AGO3: variants seen among roughly 807,000 people sequenced by gnomAD.
AGO3 encodes the protein argonaute RISC catalytic component 3, also known as protein argonaute-3.
A neutral mutation model predicts 105.5 loss-of-function variants in AGO3; 16 were observed. The observed-to-expected ratio is 0.15, with a 90% confidence interval of 0.10 to 0.23. The LOEUF is 0.23. AGO3 is among the 10% of genes least tolerant of loss of function. AGO3 has a pLI of 1.00. For synonymous variants in AGO3, 340 were observed against 367.3 expected (o/e 0.93, Z 0.85); for missense variants, 534 against 1,088.0 (o/e 0.49, Z 7.16).
chr1:36,050,386 T>C (rs1285621802), intron 17 of AGO3, among the ~76,000 whole-genome samples: 2 of 152,086 alleles, frequency 1.3e-5, no homozygotes, highest in Non-Finnish European at 2.9e-5. Flanking sequence ...CTCAGGAGGC[T>C]GAGGCAAGAG....
intron 5 of AGO3, among the ~76,000 whole-genome samples, chr1:35,987,494 A>G (rs948510684): frequency 6.6e-6 from 1 of 151,648 alleles, no homozygotes; most frequent in East Asian, 1.9e-4. Context: ...CTCTGTTTCA[A>G]AAAAAAAGCA....
chr1:35,933,533 T>C (rs539365330), intron 1 of AGO3, among the ~76,000 whole-genome samples: 1 of 150,022 alleles, frequency 6.7e-6, no homozygotes, highest in Admixed American at 6.8e-5. Flanking sequence ...TCCTAGCTAC[T>C]TGGGAGGCTG....
intron 2 of AGO3, among the ~76,000 whole-genome samples, chr1:35,961,904 A>G (rs753810329): frequency 2.4e-4 from 36 of 152,082 alleles, no homozygotes; most frequent in Non-Finnish European, 4.7e-4. Context: ...GAGATTCTCT[A>G]ATTTGTTCTT....
At chr1:36,004,550 T>C in intron 6 of AGO3, 75 bp downstream of exon 6, 1 of 1,308,250 alleles carries the variant, frequency 7.6e-7, no homozygotes, top group South Asian at 2.0e-5. Context: ...AAATGTTTTC[T>C]TATATAATTA....
chr1:36,038,779 C>A (rs1225509734), intron 14 of AGO3, among the ~76,000 whole-genome samples: 1 of 152,144 alleles, frequency 6.6e-6, no homozygotes, highest in Admixed American at 6.6e-5. Context: ...TAGCTAGTTT[C>A]AAAACCAAGA....
At chr1:35,988,973 G>A (rs891646318) in intron 5 of AGO3, among the ~76,000 whole-genome samples, 4 of 152,256 alleles carry the variant, frequency 2.6e-5, no homozygotes, top group African/African-American at 7.2e-5. Context: ...TTGCTTTTGC[G>A]TGATTTTGAT....
chr1:35,990,602 G>C (rs1647545446), intron 5 of AGO3, among the ~76,000 whole-genome samples: 1 of 152,148 alleles, frequency 6.6e-6, no homozygotes, highest in Admixed American at 6.5e-5. Context: ...GTAAAAAGTA[G>C]GCAGAATATG....
chr1:35,979,769 TA>T (rs1316035615), intron 5 of AGO3, among the ~76,000 whole-genome samples: 1 of 152,206 alleles, frequency 6.6e-6, no homozygotes, highest in Non-Finnish European at 1.5e-5. Context: ...CATTATCTAA[TA>T]AAAAGATTGC....
chr1:35,944,959 C>T (rs1284914934), intron 1 of AGO3, among the ~76,000 whole-genome samples: 1 of 152,060 alleles, frequency 6.6e-6, no homozygotes, highest in Non-Finnish European at 1.5e-5. Flanking sequence ...TGCACCACCA[C>T]ACTCAGCTAA....
intron 2 of AGO3, among the ~76,000 whole-genome samples, chr1:35,952,442 C>T (rs1199662766): frequency 3.3e-5 from 5 of 151,966 alleles, no homozygotes; most frequent in African/African-American, 4.8e-5. Flanking sequence ...TGCATCCGGC[C>T]GGATATTTCT....
At chr1:35,999,851 A>T (rs1353060592) in intron 5 of AGO3, among the ~76,000 whole-genome samples, 1 of 151,604 alleles carries the variant, frequency 6.6e-6, no homozygotes. Context: ...TTATTCTCCT[A>T]ATTTGCTTTG....
At chr1:36,022,130 A>G (rs1166110430) in intron 11 of AGO3, among the ~76,000 whole-genome samples, 2 of 134,886 alleles carry the variant, frequency 1.5e-5, no homozygotes, top group Non-Finnish European at 3.1e-5. Flanking sequence ...CAGTGGCGTG[A>G]CCATGGCTCA....
intron 5 of AGO3, among the ~76,000 whole-genome samples, chr1:35,996,517 TC>T (rs1351820921): frequency 2.6e-5 from 4 of 152,088 alleles, no homozygotes; most frequent in African/African-American, 9.7e-5. Flanking sequence ...ACACCTGTAA[TC>T]CCAGCACTTT....
At chr1:36,040,029 T>A (rs1264113116) in intron 15 of AGO3, 45 bp downstream of exon 15, 1 of 1,543,164 alleles carries the variant, frequency 6.5e-7, no homozygotes, top group Non-Finnish European at 8.8e-7. Context: ...AATCAGATAT[T>A]GTGTTTATAA....
intron 1 of AGO3, among the ~76,000 whole-genome samples, chr1:35,939,550 G>A (rs1344022209): frequency 6.6e-6 from 1 of 152,120 alleles, no homozygotes; most frequent in Non-Finnish European, 1.5e-5. Flanking sequence ...CAGGAGGCCT[G>A]GGACATATGG....
upstream of AGO3, chr1:35,930,973 G>A (rs147513408): frequency 0.034 from 11,003 of 328,010 alleles, 247 homozygotes; most frequent in South Asian, 0.074. Context: ...ACACCTCCCC[G>A]GCGTCCTCCG....
chr1:35,958,652 C>CAAA (rs11448667), intron 2 of AGO3, among the ~76,000 whole-genome samples: 11 of 133,082 alleles, frequency 8.3e-5, no homozygotes, highest in African/African-American at 2.9e-4. Context: ...GACCTTGTCT[C>CAAA]AAAAAAAAAA....
intron 17 of AGO3, among the ~76,000 whole-genome samples, chr1:36,045,067 A>G (rs1642407335): frequency 6.6e-6 from 1 of 152,056 alleles, no homozygotes; most frequent in Non-Finnish European, 1.5e-5. Context: ...TCATTTATCC[A>G]TGTTCTTATA....
chr1:36,010,037 C>G (rs941382366), intron 9 of AGO3, among the ~76,000 whole-genome samples: 2 of 148,112 alleles, frequency 1.4e-5, no homozygotes, highest in African/African-American at 2.5e-5. Flanking sequence ...CTCCCAGGTT[C>G]ACACCATTCT....
Sources: allele counts gnomAD v4.1 joint callset (sites outside exome capture counted in the v4.1 genomes callset), GRCh38; gene constraint gnomAD v4.1.1; transcripts MANE v1.5; gene names NCBI Gene and HGNC (gene_info 2026-07-23, HGNC 2026-07-21).